The following SPARCL1 variants were observed in gnomAD, a reference collection of about 807,000 sequenced individuals.
SPARCL1 encodes the protein SPARC like 1.
In SPARCL1, 52 loss-of-function variants were observed where a neutral mutation model predicts 67.1. That is an observed-to-expected ratio of 0.78 (90% confidence interval 0.62 to 0.98). The LOEUF is 0.98. SPARCL1 is among the 50% of genes least tolerant of loss of function. The pLI, the probability that SPARCL1 is intolerant of heterozygous loss-of-function variation, is 0.00. For synonymous variants in SPARCL1, 226 were observed against 267.8 expected (o/e 0.84, Z 1.52); for missense variants, 717 against 782.4 (o/e 0.92, Z 1.00).
chr4:87,494,335 T>C lies in SPARCL1; in HGVS notation c.465A>G (p.Glu155=). 1 of 1,614,182 alleles carries C rather than the reference T, an allele frequency of 6.2e-7. No individual in the cohort carries two copies. The highest frequency in any genetic ancestry group is 1.1e-5 in the South Asian group (1 of 91,084). ...VSSFTDSNQQ[E]SITKREENQE... ...GGTTTTCCTCTCTCTTTGTGATACT[T>C]TCTTGTTGGTTAGAATCTGTGAAGG... Residue 155 remains glutamate, a synonymous_variant, in exon 4 of 11, where the codon GAA becomes GAG. Coordinates refer to ENST00000282470, the MANE Select transcript of SPARCL1 (RefSeq NM_004684.6).
At chr4:87,481,814 T>C (rs1723834022) in intron 8 of SPARCL1, among the ~76,000 whole-genome samples, 1 of 152,240 alleles carries the variant, frequency 6.6e-6, no homozygotes, top group African/African-American at 2.4e-5. Context: ...AAACATTACA[T>C]ACACACACAC....
chr4:87,520,503 G>A (rs1725767807), intron 1 of SPARCL1, among the ~76,000 whole-genome samples: 1 of 152,100 alleles, frequency 6.6e-6, no homozygotes, highest in Non-Finnish European at 1.5e-5. Flanking sequence ...GGGAGTAGGG[G>A]GTAGAAGATT....
intron 9 of SPARCL1, among the ~76,000 whole-genome samples, chr4:87,479,819 G>A (rs753091507): frequency 1.6e-4 from 25 of 152,272 alleles, no homozygotes; most frequent in Non-Finnish European, 3.1e-4. Context: ...AAATCTATAG[G>A]GGTGTACCCA....
At chr4:87,487,457 G>T (rs558390724) in intron 7 of SPARCL1, among the ~76,000 whole-genome samples, 1 of 152,334 alleles carries the variant, frequency 6.6e-6, no homozygotes, top group South Asian at 2.1e-4. Context: ...TCTGCAGAGA[G>T]TCCCACTGTT....
At chr4:87,488,102 C>T (rs558761505) in intron 7 of SPARCL1, among the ~76,000 whole-genome samples, 76 of 152,258 alleles carry the variant, frequency 5.0e-4, no homozygotes, top group Non-Finnish European at 9.3e-4. Context: ...TCTGTCACTT[C>T]CTCAAACTCA....
At chr4:87,493,508 G>T in intron 4 of SPARCL1, 74 bp downstream of exon 4, 1 of 1,335,310 alleles carries the variant, frequency 7.5e-7, no homozygotes, top group Non-Finnish European at 1.0e-6. Flanking sequence ...CACTGTGAGA[G>T]CACAGAGAAA....
Position 87,479,452 on chromosome 4 carries a change from G to C in SPARCL1, c.1944C>G (p.Gly648=). 6.2e-7 allele frequency: 1 copy of C among 1,613,570 alleles called. No homozygotes were observed. Among genetic ancestry groups the C allele is most frequent in the Non-Finnish European group, 8.5e-7 (1 of 1,179,968 alleles). Residue 648 remains glycine (G), a synonymous_variant, in exon 10 of 11, where the codon GGC becomes GGG. Transcript: ENST00000282470. ...TACCTTCTTTAATTCCAAAGCAGTG[G>C]CCCCACTCCTTCAGGGTGATGTGCT... ...KDKHITLKEW[G]HCFGIKEEDI...
At chr4:87,485,397 T>C (rs895196066) in intron 7 of SPARCL1, among the ~76,000 whole-genome samples, 2 of 152,202 alleles carry the variant, frequency 1.3e-5, no homozygotes, top group Non-Finnish European at 2.9e-5. Context: ...GAACCATCCT[T>C]GCATCCCAGG....
At chr4:87,506,127 G>T (rs919305580) in intron 1 of SPARCL1, among the ~76,000 whole-genome samples, 1 of 152,110 alleles carries the variant, frequency 6.6e-6, no homozygotes, top group Non-Finnish European at 1.5e-5. Flanking sequence ...AATGTTCCAT[G>T]GGGGGCAAAA....
chr4:87,509,329 C>T (rs76558774), intron 1 of SPARCL1, among the ~76,000 whole-genome samples: 8 of 152,052 alleles, frequency 5.3e-5, no homozygotes, highest in African/African-American at 1.2e-4. Context: ...TAAGGAAACT[C>T]GGGCATAAAG....
chr4:87,508,991 G>A (rs1326647448), intron 1 of SPARCL1, among the ~76,000 whole-genome samples: 2 of 147,236 alleles, frequency 1.4e-5, no homozygotes, highest in Admixed American at 6.8e-5. Context: ...TATACTATAT[G>A]TGTACATATA....
chr4:87,489,032 G>C (rs1380157614), intron 7 of SPARCL1, among the ~76,000 whole-genome samples: 1 of 152,190 alleles, frequency 6.6e-6, no homozygotes, highest in Non-Finnish European at 1.5e-5. Context: ...GGGCTCTGTG[G>C]GGGTGGGATC....
intron 1 of SPARCL1, among the ~76,000 whole-genome samples, chr4:87,508,062 C>T (rs964294809): frequency 6.6e-5 from 10 of 152,210 alleles, no homozygotes; most frequent in Admixed American, 5.2e-4. Flanking sequence ...CTTCAAACCT[C>T]GTCCCCTTGG....
chr4:87,512,155 T>C (rs1725391216), intron 1 of SPARCL1, among the ~76,000 whole-genome samples: 2 of 151,880 alleles, frequency 1.3e-5, no homozygotes, highest in South Asian at 2.1e-4. Context: ...TTAGTAGAGA[T>C]GGGGGTTTCA....
intron 3 of SPARCL1, 141 bp from the exon 4 acceptor site, chr4:87,494,739 GC>G: frequency 1.1e-6 from 1 of 886,876 alleles, no homozygotes; most frequent in Non-Finnish European, 1.7e-6. Context: ...ACACTCTGTA[GC>G]CACAGGTTTA....
At chr4:87,508,889 G>A (rs1004375909) in intron 1 of SPARCL1, among the ~76,000 whole-genome samples, 1 of 138,358 alleles carries the variant, frequency 7.2e-6, no homozygotes, top group Non-Finnish European at 1.5e-5. Flanking sequence ...ATGTATATAA[G>A]TATATATATA....
intron 2 of SPARCL1, 55 bp from the exon 3 acceptor site, chr4:87,495,182 ATTTGCT>A: frequency 3.4e-6 from 5 of 1,475,920 alleles, no homozygotes; most frequent in Non-Finnish European, 4.7e-6. Context: ...TAATTTACAA[ATTTGCT>A]AGTTACTCTT....
At chr4:87,504,190 T>TGGGGG (rs1724981733) in intron 1 of SPARCL1, among the ~76,000 whole-genome samples, 3 of 16,822 alleles carry the variant, frequency 1.8e-4, no homozygotes, top group African/African-American at 2.8e-4. Context: ...TGTGGTGGGG[T>TGGGGG]GGGGGTGGGA....
At chr4:87,516,132 G>A (rs1725572605) in intron 1 of SPARCL1, among the ~76,000 whole-genome samples, 1 of 152,212 alleles carries the variant, frequency 6.6e-6, no homozygotes, top group African/African-American at 2.4e-5. Flanking sequence ...AGTCTGTCAT[G>A]TCACAGAAGA....
Sources: gnomAD v4.1 joint callset for allele counts (sites outside exome capture counted in the v4.1 genomes callset) on GRCh38, gnomAD v4.1.1 for gene constraint, MANE v1.5 for transcripts, NCBI Gene and HGNC (gene_info 2026-07-23, HGNC 2026-07-21) for gene names.